RARB: variants seen among roughly 807,000 people sequenced by gnomAD.
RARB encodes retinoic acid receptor beta.
RARB carries 17 observed loss-of-function variants against 51.9 expected under a neutral mutation model. That is an observed-to-expected ratio of 0.33 (90% CI 0.22 to 0.49). The LOEUF is 0.49. Ranked by LOEUF, RARB falls within the 20% of genes least tolerant of loss-of-function variation. The probability of loss-of-function intolerance (pLI) is 0.99; values close to 1 mark genes in which losing one functional copy is unlikely to be tolerated. For missense variants in RARB, 369 were observed against 550.8 expected (o/e 0.67, Z 3.30); for synonymous variants, 215 against 195.4 (o/e 1.10, Z -0.84).
intron 2 of RARB, among the ~76,000 whole-genome samples, chr3:24,976,354 C>T (rs1353978840): frequency 6.6e-6 from 1 of 152,172 alleles, no homozygotes; most frequent in Non-Finnish European, 1.5e-5. Context: ...CACTGTCTTC[C>T]ACAATGATTG....
intron 2 of RARB, among the ~76,000 whole-genome samples, chr3:24,977,780 C>T (rs1320108413): frequency 6.6e-6 from 1 of 152,136 alleles, no homozygotes; most frequent in Non-Finnish European, 1.5e-5. Flanking sequence ...GCCAGGACTT[C>T]CAACATTATG....
intron 2 of RARB, among the ~76,000 whole-genome samples, chr3:24,965,015 T>C (rs562382912): frequency 6.6e-6 from 1 of 152,132 alleles, no homozygotes; most frequent in Non-Finnish European, 1.5e-5. Context: ...ATTGCTTTGG[T>C]TCTAAAGATA....
At chr3:24,936,525 C>T (rs1695552206) in intron 2 of RARB, among the ~76,000 whole-genome samples, 1 of 152,178 alleles carries the variant, frequency 6.6e-6, no homozygotes, top group African/African-American at 2.4e-5. Context: ...TGATTTTCTA[C>T]TTCTCTTCCT....
Position 24,968,815 on chromosome 3 carries a change from AG to A in RARB, c.-379-91309del, listed in dbSNP as rs535225283. 1.8e-4 allele frequency among the ~76,000 whole-genome samples: 28 copies of A among 152,260 alleles called. 1 individual carries two copies. The South Asian group carries it at 5.8e-3, about 32-fold the overall frequency. ...TGTGACTAAGCCCAGAGTCAGTGTGAGTGGGTAGACTACCCAAAGACTTGGA... is the reference window on the plus strand; with the variant it reads ...TGTGACTAAGCCCAGAGTCAGTGTGATGGGTAGACTACCCAAAGACTTGGA... On this transcript the variant is annotated intron_variant, in intron 2 of 11. Coordinates refer to the RARB transcript ENST00000383772.
intron 5 of RARB, among the ~76,000 whole-genome samples, chr3:25,228,816 C>T (rs772922293): frequency 2.6e-5 from 4 of 152,082 alleles, no homozygotes; most frequent in Non-Finnish European, 5.9e-5. Flanking sequence ...ACCAGTGTAC[C>T]TTCTGCTCTA....
At chr3:25,261,482 G>A (rs1393941771) in intron 5 of RARB, among the ~76,000 whole-genome samples, 2 of 151,944 alleles carry the variant, frequency 1.3e-5, no homozygotes, top group South Asian at 4.2e-4. Context: ...TCTCATTCTG[G>A]AGTGATATAA....
At chr3:24,964,962 C>T (rs4858670) in intron 2 of RARB, among the ~76,000 whole-genome samples, 113,095 of 152,102 alleles carry the variant, frequency 0.74, 42,397 homozygotes, top group East Asian at 0.86. Flanking sequence ...GAACTATATA[C>T]AGTGATTAAA....
Position 25,081,586 on chromosome 3 carries a change from C to CATATATATAT in RARB, c.-328+21437_-328+21446dup, listed in dbSNP as rs1161956011. Among the ~76,000 whole-genome samples, 123 of 19,608 alleles carry CATATATATAT rather than the reference C, an allele frequency of 6.3e-3. 5 individuals carry two copies. Among genetic ancestry groups the CATATATATAT allele is most frequent in the Non-Finnish European group, 7.2e-3 (86 of 11,968 alleles). The allele number at this position is 19,608 out of a possible 152,430, so 12.9% of individuals were successfully genotyped here. ...CTTTTGCTAGTGTTTGCTTCATATA[C>CATATATATAT]ATATATATATATATATATATATATA... On this transcript the variant is annotated intron_variant, in intron 3 of 11. Coordinates refer to the RARB transcript ENST00000383772.
rs1026546067 is a variant in RARB at position 24,950,250 on chromosome 3, A to T, written c.-380+91498A>T. Among the ~76,000 whole-genome samples the T allele has an allele frequency of 6.6e-5, 10 of 152,274 alleles. No individual in the cohort carries two copies. The East Asian group carries it at 1.4e-3, about 21-fold the overall frequency. ...CCTACATATGTCTCGAAACAGTTTCATTTCTTCATTTAAAACATTACAGCC... is the reference window on the plus strand; with the variant it reads ...CCTACATATGTCTCGAAACAGTTTCTTTTCTTCATTTAAAACATTACAGCC... On this transcript the variant is annotated intron_variant, in intron 2 of 11. Transcript: ENST00000383772.
At chr3:25,290,120 C>T (rs1055554169) in intron 5 of RARB, among the ~76,000 whole-genome samples, 1 of 152,186 alleles carries the variant, frequency 6.6e-6, no homozygotes, top group African/African-American at 2.4e-5. Flanking sequence ...ACATAGAAAT[C>T]TCATTTAACT....
chr3:25,488,971 A>G (rs896990896), intron 2 of RARB, among the ~76,000 whole-genome samples: 3 of 152,192 alleles, frequency 2.0e-5, no homozygotes, highest in African/African-American at 4.8e-5. Flanking sequence ...TTTATCAACT[A>G]AAGTCAGGTA....
chr3:25,569,504 T>A (rs959848164), intron 3 of RARB, among the ~76,000 whole-genome samples: 1 of 152,218 alleles, frequency 6.6e-6, no homozygotes, highest in Non-Finnish European at 1.5e-5. Context: ...ACTCTGAGCC[T>A]CCTGGGTGAG....
intron 2 of RARB, among the ~76,000 whole-genome samples, chr3:25,467,550 C>T (rs1695492388): frequency 7.0e-6 from 1 of 142,262 alleles, no homozygotes; most frequent in Non-Finnish European, 1.6e-5. Context: ...CCAGCTCAAA[C>T]AAACACTTCT....
chr3:25,230,149 T>C (rs1267776413), intron 5 of RARB, among the ~76,000 whole-genome samples: 2 of 152,168 alleles, frequency 1.3e-5, no homozygotes, highest in African/African-American at 4.8e-5. Flanking sequence ...TCCACCATTC[T>C]ATTTTATATA....
intron 2 of RARB, among the ~76,000 whole-genome samples, chr3:25,011,066 T>A (rs1358121665): frequency 1.3e-5 from 2 of 152,156 alleles, no homozygotes; most frequent in Non-Finnish European, 2.9e-5. Context: ...CGATTGTTAT[T>A]TGTTGATTTC....
intron 5 of RARB, among the ~76,000 whole-genome samples, chr3:25,179,681 C>G (rs1304220962): frequency 6.6e-6 from 1 of 152,156 alleles, no homozygotes; most frequent in Admixed American, 6.5e-5. Context: ...AGAGTTTATA[C>G]TGTTGACATG....
chr3:24,898,949 G>T lies in RARB; in HGVS notation c.-380+40197G>T, dbSNP rs1703538161. Among the ~76,000 whole-genome samples, 3 of 152,108 alleles carry T rather than the reference G, an allele frequency of 2.0e-5. No individual in the cohort carries two copies. The South Asian group carries it at 6.2e-4, about 32-fold the overall frequency. On this transcript the variant is annotated intron_variant, in intron 2 of 11. Transcript: ENST00000383772. ...ATAAACTTCTATGTACAACTCATTG[G>T]CCAAAACTGTCTCATGACCACCTCT...
In RARB at chr3:25,501,098, TTAATG is replaced by T; in HGVS notation, c.307-83_307-79del. On this transcript the variant is annotated intron_variant, in intron 2 of 7. Coordinates refer to ENST00000330688, the MANE Select transcript of RARB (RefSeq NM_000965.5). ...TCACTTCGTTACTCAAAAAGAGCAA[TTAATG>T]CATTGATAAGGTTGGCTTTGATTTC... 2.1e-6 allele frequency: 3 copies of T among 1,456,830 alleles called. No individual in the cohort carries two copies. In the East Asian group the frequency reaches 7.5e-5, roughly 36 times the overall value. 90.2% of individuals were successfully genotyped at this position (1,456,830 alleles called of 1,614,324 possible). A position where few individuals can be genotyped will look rare whatever the true frequency, so the allele number is the denominator to read the frequency against.
rs577800080 is a variant in RARB at position 25,375,952 on chromosome 3, C to G, written c.179-85241C>G. On this transcript the variant is annotated intron_variant, in intron 5 of 11. Transcript: ENST00000383772. ...CTGAACCTCCCCATGGTTCAATTTC[C>G]TCATCTAAGAAATGGGGATAATGTT... 6.6e-5 allele frequency among the ~76,000 whole-genome samples: 10 copies of G among 152,260 alleles called. No homozygotes were observed. The South Asian group carries it at 2.1e-3, about 32-fold the overall frequency.
Sources: gnomAD v4.1 joint callset for allele counts (sites outside exome capture counted in the v4.1 genomes callset) on GRCh38, gnomAD v4.1.1 for gene constraint, MANE v1.5 for transcripts, NCBI Gene and HGNC (gene_info 2026-07-23, HGNC 2026-07-21) for gene names.